The following WNT10A variants were observed in gnomAD, a reference collection of about 807,000 sequenced individuals.
The protein encoded by WNT10A is Wnt family member 10A.
In WNT10A, 37 loss-of-function variants were observed where a neutral mutation model predicts 36.1. That is an observed-to-expected ratio of 1.02 (90% confidence interval 0.79 to 1.35). The LOEUF (loss-of-function observed/expected upper bound fraction) is 1.35. WNT10A is among the 40% of genes most tolerant of loss of function. WNT10A has a pLI of 0.00. For synonymous variants in WNT10A, 255 were observed against 254.1 expected (o/e 1.00, Z -0.03); for missense variants, 613 against 601.4 (o/e 1.02, Z -0.20).
upstream of WNT10A, among the ~76,000 whole-genome samples, chr2:218,875,912 A>C (rs1018984386): frequency 6.6e-6 from 1 of 152,232 alleles, no homozygotes; most frequent in Non-Finnish European, 1.5e-5. Flanking sequence ...AGAAATAATG[A>C]ATGGCTTTTA....
At chr2:218,875,159 C>CTTTTTTTTTTTTTTTTTTTT in the WNT10A span, among the ~76,000 whole-genome samples, 8 of 36,822 alleles carry the variant, frequency 2.2e-4, 3 homozygotes, top group Non-Finnish European at 3.0e-4. Flanking sequence ...GACTGACTTT[C>CTTTTTTTTTTTTTTTTTTTT]TTTTTTTTTT....
chr2:218,882,746 C>G (rs1944532958), intron 2 of WNT10A, among the ~76,000 whole-genome samples: 1 of 152,230 alleles, frequency 6.6e-6, no homozygotes, highest in Non-Finnish European at 1.5e-5. Flanking sequence ...TCGCTTGCCT[C>G]TACTTACCCT....
chr2:218,892,303 CCACACACACACACACACACACA>C (rs60385784), intron 3 of WNT10A, among the ~76,000 whole-genome samples: 42 of 100,948 alleles, frequency 4.2e-4, no homozygotes, highest in African/African-American at 9.5e-4. Flanking sequence ...ACCCACCCCA[CCACACACACACACACACACACA>C]CACACACACA....
chr2:218,876,080 A>G (rs1406748455), upstream of WNT10A, among the ~76,000 whole-genome samples: 1 of 152,122 alleles, frequency 6.6e-6, no homozygotes, highest in Non-Finnish European at 1.5e-5. Flanking sequence ...TGTCCTCATT[A>G]TCTCCTCCTG....
the WNT10A span, among the ~76,000 whole-genome samples, chr2:218,875,007 T>C: frequency 6.6e-6 from 1 of 152,106 alleles, no homozygotes; most frequent in South Asian, 2.1e-4. Flanking sequence ...GAGTCTCCAC[T>C]GTGCTGTGCT....
intron 2 of WNT10A, among the ~76,000 whole-genome samples, chr2:218,882,903 G>A (rs979061194): frequency 1.3e-5 from 2 of 152,152 alleles, no homozygotes; most frequent in African/African-American, 4.8e-5. Context: ...AGCTCTTCCC[G>A]GCGGGGGACA....
chr2:218,877,964 C>T (rs761781786), upstream of WNT10A, among the ~76,000 whole-genome samples: 12 of 152,138 alleles, frequency 7.9e-5, no homozygotes, highest in Non-Finnish European at 1.6e-4. The surrounding 1 kb of genome is among the most constrained non-coding windows in gnomAD (Gnocchi z 4.1). Flanking sequence ...CACCTGTTCT[C>T]ACCCCCATGC....
chr2:218,880,684 C>T (rs138370318), upstream of WNT10A: 261 of 309,910 alleles, frequency 8.4e-4, no homozygotes, highest in East Asian at 0.016. This position sits in a 1 kb window ranked among gnomAD's most constrained non-coding sequence, Gnocchi z 7.7. Context: ...GCTGCACCTC[C>T]GGGCCCCCCT....
the WNT10A span, among the ~76,000 whole-genome samples, chr2:218,874,739 A>T: frequency 6.6e-6 from 1 of 152,200 alleles, no homozygotes; most frequent in Non-Finnish European, 1.5e-5. Context: ...AGGACAAAAA[A>T]TGAGCTTTGG....
In WNT10A at chr2:218,893,368, T is replaced by TGGGAAGAGGAG. The variant is rs1431129556; in HGVS notation, c.*98_*108dup. 5.5e-6 allele frequency: 8 copies of TGGGAAGAGGAG among 1,451,194 alleles called. No homozygotes were observed. In the East Asian group the frequency reaches 1.0e-4, roughly 18 times the overall value. The allele number at this position is 1,451,194 out of a possible 1,614,324, so 89.9% of individuals were successfully genotyped here. A position where few individuals can be genotyped will look rare whatever the true frequency, so the allele number is the denominator to read the frequency against. On this transcript the variant is annotated 3_prime_UTR_variant, in exon 4 of 4. Transcript: ENST00000258411. The surrounding 1 kb of genome is among the most constrained non-coding windows in gnomAD (Gnocchi z 6.3). ...GGCAAGGCAGCATCGCCTTGGCTCT[T>TGGGAAGAGGAG]GGGAAGAGGAGATTGGACCACATGA...
Position 218,880,946 on chromosome 2 carries a change from C to A in WNT10A, c.-50C>A. 1 of 1,532,790 alleles carries A rather than the reference C, an allele frequency of 6.5e-7. No individual in the cohort carries two copies. Among genetic ancestry groups the A allele is most frequent in the Non-Finnish European group, 8.8e-7 (1 of 1,139,942 alleles). 94.9% of individuals were successfully genotyped at this position (1,532,790 alleles called of 1,614,324 possible). A position where few individuals can be genotyped will look rare whatever the true frequency, so the allele number is the denominator to read the frequency against. Reference sequence around the variant, plus strand: ...GCGCCGGCGCCCCTGGCTCTCCAGTCCCACTGGGCTGTGAGCCCCCCACTC... The same window carrying A: ...GCGCCGGCGCCCCTGGCTCTCCAGTACCACTGGGCTGTGAGCCCCCCACTC... On this transcript the variant is annotated 5_prime_UTR_variant, in exon 1 of 4. Transcript: ENST00000258411. The surrounding 1 kb of genome is among the most constrained non-coding windows in gnomAD (Gnocchi z 7.7).
chr2:218,892,696 A>C (rs993796442), intron 3 of WNT10A, 78 bp from the exon 4 acceptor site: 6 of 1,540,106 alleles, frequency 3.9e-6, no homozygotes, highest in Non-Finnish European at 3.5e-6. Context: ...AGTGGGTTTC[A>C]GAAGCAGGCC....
the WNT10A span, among the ~76,000 whole-genome samples, chr2:218,875,077 A>G: frequency 7.1e-6 from 1 of 140,510 alleles, no homozygotes; most frequent in Non-Finnish European, 1.5e-5. Context: ...TTGTGCTCTC[A>G]TTCTCTCCAT....
chr2:218,892,752 C>T (rs1944668288), intron 3 of WNT10A, 22 bp from the exon 4 acceptor site: 1 of 1,569,762 alleles, frequency 6.4e-7, no homozygotes, highest in Non-Finnish European at 8.6e-7. Context: ...CGTGTCACCC[C>T]TCACGGTGCC....
upstream of WNT10A, chr2:218,880,830 A>G (rs1944502761): frequency 2.8e-6 from 2 of 703,420 alleles, no homozygotes; most frequent in Non-Finnish European, 4.3e-6. The surrounding 1 kb of genome is among the most constrained non-coding windows in gnomAD (Gnocchi z 7.7). Context: ...GTGCTGCCCC[A>G]TGGAGCGGGG....
At chr2:218,880,794 G>C (rs886055638), upstream of WNT10A, 1 of 493,282 alleles carries the variant, frequency 2.0e-6, no homozygotes, top group South Asian at 3.1e-5. This position sits in a 1 kb window ranked among gnomAD's most constrained non-coding sequence, Gnocchi z 7.7. Flanking sequence ...TTCACCCCCC[G>C]CCCCCCCCGA....
At chr2:218,880,804 AGGGCGG>A, upstream of WNT10A, 1 of 517,276 alleles carries the variant, frequency 1.9e-6, no homozygotes. This position sits in a 1 kb window ranked among gnomAD's most constrained non-coding sequence, Gnocchi z 7.7. Flanking sequence ...GCCCCCCCCG[AGGGCGG>A]TGCCCGGGGG....
chr2:218,887,890 C>T (rs1944597093), intron 2 of WNT10A, among the ~76,000 whole-genome samples: 1 of 152,188 alleles, frequency 6.6e-6, no homozygotes, highest in Non-Finnish European at 1.5e-5. Context: ...CAGATAATAG[C>T]TCTATTTTAT....
upstream of WNT10A, among the ~76,000 whole-genome samples, chr2:218,876,050 C>T (rs1464161359): frequency 1.3e-5 from 2 of 152,206 alleles, no homozygotes; most frequent in Non-Finnish European, 1.5e-5. Flanking sequence ...TTCTGCTTAT[C>T]TCTGCCTCTC....
Sources: allele counts gnomAD v4.1 joint callset (sites outside exome capture counted in the v4.1 genomes callset), GRCh38; gene constraint gnomAD v4.1.1; non-coding constraint Gnocchi (gnomAD v3.1); transcripts MANE v1.5; gene names NCBI Gene and HGNC (gene_info 2026-07-23, HGNC 2026-07-21).